LHFPL3: variants seen among roughly 807,000 people sequenced by gnomAD.
LHFPL3 encodes LHFPL tetraspan subfamily member 3 protein.
In LHFPL3, 5 loss-of-function variants were observed where a neutral mutation model predicts 19.3. The ratio of observed to expected loss-of-function variants is 0.26; its 90% CI spans 0.14 to 0.54. The LOEUF (loss-of-function observed/expected upper bound fraction) is 0.54, where lower values mean the gene tolerates loss of function less well. LHFPL3 is among the 20% of genes least tolerant of loss of function. LHFPL3 has a pLI of 0.94. For missense variants in LHFPL3, 249 were observed against 307.4 expected, an observed-to-expected ratio of 0.81 and a Z score of 1.42; for synonymous variants, 133 against 126.2, an observed-to-expected ratio of 1.05 and a Z score of -0.36.
intron 2 of LHFPL3, among the ~76,000 whole-genome samples, chr7:104,857,506 T>A (rs1284119265): frequency 3.3e-5 from 5 of 152,172 alleles, no homozygotes; most frequent in African/African-American, 1.2e-4. Context: ...TGAGATCCAG[T>A]TATACAGAAA....
At chr7:104,880,993 A>AC (rs758519082) in intron 2 of LHFPL3, among the ~76,000 whole-genome samples, 1 of 152,054 alleles carries the variant, frequency 6.6e-6, no homozygotes, top group Non-Finnish European at 1.5e-5. Flanking sequence ...ACACAATGAA[A>AC]CCCCATCTCT....
At chr7:104,794,951 A>AG (rs762299391) in intron 2 of LHFPL3, among the ~76,000 whole-genome samples, 4 of 152,262 alleles carry the variant, frequency 2.6e-5, no homozygotes, top group Non-Finnish European at 4.4e-5. Flanking sequence ...AAATATGTGT[A>AG]GCAGGAAGAA....
chr7:104,653,046 A>C (rs1031972733), intron 1 of LHFPL3, among the ~76,000 whole-genome samples: 1 of 11,704 alleles, frequency 8.5e-5, no homozygotes, highest in Non-Finnish European at 5.2e-4. Context: ...GCTGGAACAA[A>C]CAGTAAATTC....
intron 1 of LHFPL3, among the ~76,000 whole-genome samples, chr7:104,433,200 A>C (rs1792034006): frequency 6.6e-6 from 1 of 152,212 alleles, no homozygotes; most frequent in Non-Finnish European, 1.5e-5. Context: ...TAACACAAGC[A>C]CATATTCTAA....
chr7:104,824,310 ATT>A (rs1562804544), intron 2 of LHFPL3, among the ~76,000 whole-genome samples: 1 of 32,470 alleles, frequency 3.1e-5, no homozygotes, highest in East Asian at 1.3e-3. Flanking sequence ...ATTATATATA[ATT>A]ATATATATTA....
chr7:104,523,201 C>T (rs1794111838), intron 1 of LHFPL3, among the ~76,000 whole-genome samples: 1 of 152,052 alleles, frequency 6.6e-6, no homozygotes, highest in South Asian at 2.1e-4. Flanking sequence ...ATAATAATCT[C>T]CACCATCCTA....
At chr7:104,883,304 G>A (rs1423006330) in intron 2 of LHFPL3, among the ~76,000 whole-genome samples, 1 of 152,102 alleles carries the variant, frequency 6.6e-6, no homozygotes, top group Non-Finnish European at 1.5e-5. Context: ...TCATATTGGA[G>A]GACTCTTAAA....
intron 2 of LHFPL3, among the ~76,000 whole-genome samples, chr7:104,770,191 T>C (rs1794527856): frequency 6.6e-6 from 1 of 152,018 alleles, no homozygotes; most frequent in Non-Finnish European, 1.5e-5. Context: ...TTCAGGAGAC[T>C]TAAAGGAAAA....
intron 1 of LHFPL3, among the ~76,000 whole-genome samples, chr7:104,713,920 C>T (rs1229064228): frequency 6.6e-6 from 1 of 152,094 alleles, no homozygotes; most frequent in Admixed American, 6.6e-5. Context: ...TTCCAAAACC[C>T]CCCTCAGCTC....
intron 1 of LHFPL3, among the ~76,000 whole-genome samples, chr7:104,678,939 C>A (rs1792642896): frequency 6.6e-6 from 1 of 152,152 alleles, no homozygotes; most frequent in South Asian, 2.1e-4. Context: ...AACTTGTGAG[C>A]AGAAAGTAAA....
intron 2 of LHFPL3, chr7:104,798,548 G>A (rs1176238691): frequency 6.6e-6 from 1 of 152,128 alleles, no homozygotes; most frequent in African/African-American, 2.4e-5. Flanking sequence ...TTGCTCTGTT[G>A]TATAGTCTAC....
chr7:104,733,524 A>G (rs1195890777), intron 1 of LHFPL3, among the ~76,000 whole-genome samples: 2 of 152,090 alleles, frequency 1.3e-5, no homozygotes, highest in African/African-American at 4.8e-5. Context: ...AGTCTGTTTT[A>G]TCAGAGACTA....
chr7:104,470,382 T>C (rs1048809009), intron 1 of LHFPL3, among the ~76,000 whole-genome samples: 8 of 152,214 alleles, frequency 5.3e-5, no homozygotes, highest in African/African-American at 1.9e-4. Context: ...AAGCCTCTGT[T>C]TCCCACATCG....
chr7:104,522,128 G>A (rs1794077675), intron 1 of LHFPL3, among the ~76,000 whole-genome samples: 1 of 152,028 alleles, frequency 6.6e-6, no homozygotes. Flanking sequence ...CAAAGACTTG[G>A]AACCAACCCA....
At chr7:104,820,750 C>A (rs938320573) in intron 2 of LHFPL3, among the ~76,000 whole-genome samples, 17 of 152,150 alleles carry the variant, frequency 1.1e-4, no homozygotes, top group African/African-American at 3.9e-4. Context: ...TAACCACCCC[C>A]CCAGACCAAA....
At chr7:104,759,938 C>CT (rs1262748986) in intron 2 of LHFPL3, 1 of 152,252 alleles carries the variant, frequency 6.6e-6, no homozygotes, top group Non-Finnish European at 1.5e-5. Context: ...GGAACTCAGG[C>CT]TTGGCCTCAG....
chr7:104,679,737 A>T (rs1305728295), intron 1 of LHFPL3, among the ~76,000 whole-genome samples: 1 of 152,176 alleles, frequency 6.6e-6, no homozygotes, highest in African/African-American at 2.4e-5. Context: ...CTGAGAATAT[A>T]CCTTTGTGAG....
intron 2 of LHFPL3, among the ~76,000 whole-genome samples, chr7:104,772,903 A>G (rs886107785): frequency 6.6e-6 from 1 of 152,250 alleles, no homozygotes; most frequent in African/African-American, 2.4e-5. Flanking sequence ...TAATTACCTT[A>G]TTCGGAGTGC....
At chr7:104,530,317 T>A (rs1023723986) in intron 1 of LHFPL3, among the ~76,000 whole-genome samples, 1 of 152,202 alleles carries the variant, frequency 6.6e-6, no homozygotes, top group African/African-American at 2.4e-5. Context: ...GAAATCACTT[T>A]GTGCTGGAGG....
Sources: allele counts gnomAD v4.1 joint callset (sites outside exome capture counted in the v4.1 genomes callset), GRCh38; gene constraint gnomAD v4.1.1; transcripts MANE v1.5; gene names NCBI Gene and HGNC (gene_info 2026-07-23, HGNC 2026-07-21).